The following CFAP36 variants were observed in gnomAD, a reference collection of about 807,000 sequenced individuals.
CFAP36 encodes cilia- and flagella-associated protein 36.
In CFAP36, 37 loss-of-function variants were observed where a neutral mutation model predicts 50.5. That is an observed-to-expected ratio of 0.73 (90% CI 0.56 to 0.96). The LOEUF is 0.96. Among genes scored for constraint, CFAP36 ranks in the 50% least tolerant of loss-of-function variants. The pLI is 0.00. For synonymous variants in CFAP36, 138 were observed against 128.2 expected (o/e 1.08, Z -0.52); for missense variants, 407 against 396.2 (o/e 1.03, Z -0.23).
At chr2:55,522,080 T>C (rs373580652) in intron 1 of CFAP36, 22 bp from the exon 2 acceptor site, 1 of 1,242,712 alleles carries the variant, frequency 8.0e-7, no homozygotes, top group African/African-American at 1.5e-5. Context: ...TTACACTATG[T>C]AATATTTTCT....
intron 3 of CFAP36, among the ~76,000 whole-genome samples, chr2:55,526,665 G>A (rs1684215796): frequency 6.6e-6 from 1 of 152,060 alleles, no homozygotes; most frequent in Admixed American, 6.5e-5. Flanking sequence ...CTGGTCTTGA[G>A]GTCCTGGCAT....
intron 2 of CFAP36, 146 bp from the exon 3 acceptor site, chr2:55,523,575 G>T: frequency 4.2e-6 from 2 of 480,438 alleles, no homozygotes; most frequent in Non-Finnish European, 7.6e-6. Flanking sequence ...TTGTGTTTTG[G>T]TGAAAGACAA....
At chr2:55,535,608 G>T in intron 5 of CFAP36, 104 bp from the exon 6 acceptor site, 1 of 835,366 alleles carries the variant, frequency 1.2e-6, no homozygotes. Flanking sequence ...TGTGTCTAAT[G>T]TGCCTTTTAT....
rs1574608261 is a variant in CFAP36 at position 55,519,719 on chromosome 2, T to C, written c.-83T>C. 1 of 1,372,156 alleles carries C rather than the reference T, an allele frequency of 7.3e-7. No individual in the cohort carries two copies. The highest frequency in any genetic ancestry group is 2.2e-4 in the Middle Eastern group (1 of 4,482). The allele number at this position is 1,372,156 out of a possible 1,614,324, so 85.0% of individuals were successfully genotyped here. On this transcript the variant is annotated 5_prime_UTR_variant, in exon 1 of 10. Transcript: ENST00000349456. ...GCGGGCCAGCTCTTCCCCTACTCCC[T>C]CTCGGCTCCTTGTGGCCCAAAGGCC...
At chr2:55,535,635 C>A in intron 5 of CFAP36, 77 bp from the exon 6 acceptor site, 1 of 1,051,072 alleles carries the variant, frequency 9.5e-7, no homozygotes, top group South Asian at 1.7e-5. Flanking sequence ...CTTAGGTTAG[C>A]ATGTTGCTTA....
intron 3 of CFAP36, 76 bp downstream of exon 3, chr2:55,523,898 T>C (rs1463109779): frequency 2.3e-6 from 2 of 871,182 alleles, no homozygotes; most frequent in South Asian, 4.3e-5. Flanking sequence ...TAAATTTGAA[T>C]GTTTGATTGA....
rs1459674286 is a variant in CFAP36 at position 55,519,787 on chromosome 2, C to T, written c.-15C>T. On this transcript the variant is annotated 5_prime_UTR_variant, in exon 1 of 10. Coordinates refer to ENST00000349456, the MANE Select transcript of CFAP36 (RefSeq NM_080667.7). ...TCTGGCCTAGGGATCTTCCCCGTTG[C>T]CCCTTTGGGGCGGGATGGCTGCGGA... is the stretch of plus-strand genomic sequence containing the variant. 1.2e-6 allele frequency: 2 copies of T among 1,613,820 alleles called. No homozygotes were observed. The highest frequency in any genetic ancestry group is 1.7e-6 in the Non-Finnish European group (2 of 1,179,690).
chr2:55,542,208 TTATC>T (rs1376772066), intron 7 of CFAP36, among the ~76,000 whole-genome samples: 1 of 152,260 alleles, frequency 6.6e-6, no homozygotes, highest in Non-Finnish European at 1.5e-5. Flanking sequence ...GTCTGCTTTC[TTATC>T]TAAGTGAAGC....
chr2:55,541,072 C>T (rs555431335), intron 7 of CFAP36, among the ~76,000 whole-genome samples: 86 of 152,026 alleles, frequency 5.7e-4, no homozygotes, highest in Non-Finnish European at 8.4e-4. Flanking sequence ...ACCTGTCATC[C>T]CAGCAATTTG....
At position 55,533,958 on chromosome 2, in the gene CFAP36, T is replaced by C. The variant is rs771601402; in HGVS notation, c.483T>C (p.Leu161=). The part of the protein sequence containing the change: ...HEEMKILREV[L]RKSKEEYDQE... ...AGATGAAAATCCTGAGGGAAGTTCT[T>C]AGGTACCATTCTTTAATTGTTTTTT... Residue 161 remains leucine, a splice_region_variant and synonymous_variant, in exon 5 of 10, where the codon CTT becomes CTC. Transcript: ENST00000349456. 5 of 1,581,028 alleles carry C rather than the reference T, an allele frequency of 3.2e-6. No individual in the cohort carries two copies. The highest frequency in any genetic ancestry group is 4.3e-6 in the Non-Finnish European group (5 of 1,152,030).
intron 6 of CFAP36, among the ~76,000 whole-genome samples, chr2:55,536,969 C>T (rs764903434): frequency 6.6e-6 from 1 of 152,120 alleles, no homozygotes; most frequent in African/African-American, 2.4e-5. Flanking sequence ...TCTCGAACTC[C>T]TGACCTCAGG....
intron 6 of CFAP36, 167 bp downstream of exon 6, chr2:55,535,930 T>C (rs1471866703): frequency 1.5e-6 from 2 of 1,321,788 alleles, no homozygotes; most frequent in Admixed American, 3.6e-5. Context: ...ATGTATGTCG[T>C]GCATTACTGC....
chr2:55,543,146 A>G (rs538264360), intron 7 of CFAP36, among the ~76,000 whole-genome samples: 8 of 151,850 alleles, frequency 5.3e-5, no homozygotes, highest in Non-Finnish European at 1.0e-4. Flanking sequence ...TTTTCCCATC[A>G]TGCTTTTAGA....
intron 4 of CFAP36, 92 bp downstream of exon 4, chr2:55,529,084 T>C (rs943749690): frequency 4.7e-6 from 4 of 843,744 alleles, no homozygotes; most frequent in Admixed American, 3.0e-5. Flanking sequence ...AGCTGTCTCA[T>C]GTACATTTAT....
intron 2 of CFAP36, among the ~76,000 whole-genome samples, chr2:55,523,132 C>T (rs551758608): frequency 1.5e-4 from 22 of 149,662 alleles, no homozygotes; most frequent in Non-Finnish European, 2.7e-4. Flanking sequence ...AAGAAAAGGC[C>T]AGGCGTGGTG....
Position 55,522,109 on chromosome 2 carries a change from T to C in CFAP36, c.123T>C (p.Asp41=), listed in dbSNP as rs775362373. 6.7e-7 allele frequency: 1 copy of C among 1,497,834 alleles called. No individual in the cohort carries two copies. Among genetic ancestry groups the C allele is most frequent in the South Asian group, 1.2e-5 (1 of 83,432 alleles). The allele number at this position is 1,497,834 out of a possible 1,614,324, so 92.8% of individuals were successfully genotyped here. The change falls in exon 2 of 10, where the codon GAT becomes GAC. Residue 41 remains aspartate (D), a synonymous_variant. Coordinates refer to ENST00000349456, the MANE Select transcript of CFAP36 (RefSeq NM_080667.7). ...ATTTTCTTTTAAATTTAGTTTTTGA[T>C]GATGAAGAAGAAAGCAAATTGACCT... ...DFVEQKCEVF[D]DEEESKLTYT...
At chr2:55,544,487 C>G in intron 9 of CFAP36, 118 bp downstream of exon 9, 1 of 901,074 alleles carries the variant, frequency 1.1e-6, no homozygotes, top group Non-Finnish European at 1.7e-6. Flanking sequence ...ATATTAATCA[C>G]CTCCTAGTGC....
chr2:55,535,528 T>TA (rs1310525643), intron 5 of CFAP36, among the ~76,000 whole-genome samples, 184 bp from the exon 6 acceptor site: 7 of 152,246 alleles, frequency 4.6e-5, no homozygotes, highest in Admixed American at 1.3e-4. Flanking sequence ...TATTATGCTG[T>TA]ATGCCTATGT....
At chr2:55,529,055 C>T (rs1473324494) in intron 4 of CFAP36, 63 bp downstream of exon 4, 2 of 1,074,958 alleles carry the variant, frequency 1.9e-6, no homozygotes, top group African/African-American at 3.2e-5. Flanking sequence ...TTTGACTATT[C>T]TAATATGGTC....
Sources: gnomAD v4.1 joint callset for allele counts (sites outside exome capture counted in the v4.1 genomes callset) on GRCh38, gnomAD v4.1.1 for gene constraint, MANE v1.5 for transcripts, NCBI Gene and HGNC (gene_info 2026-07-23, HGNC 2026-07-21) for gene names.